RPL27A: variants seen among roughly 807,000 people sequenced by gnomAD.
The protein encoded by RPL27A is large ribosomal subunit protein uL15.
For missense variants in RPL27A, 118 were observed against 189.4 expected (o/e 0.62, Z 2.21); for synonymous variants, 69 against 68.3 (o/e 1.01, Z -0.05).
At position 8,688,609 on chromosome 11, in the gene RPL27A, C is replaced by T. The variant is rs2039608362; in HGVS notation, c.*2803C>T. The T allele has an allele frequency of 6.6e-6, 1 of 152,206 alleles. No homozygotes were observed. The highest frequency in any genetic ancestry group is 1.5e-5 in the Non-Finnish European group (1 of 68,050). 9.4% of individuals were successfully genotyped at this position (152,206 alleles called of 1,614,324 possible). A position where few individuals can be genotyped will look rare whatever the true frequency, so the allele number is the denominator to read the frequency against. The stretch of plus-strand genomic sequence containing the variant: ...GGCTAAAGCTTGAATTGCAAAAGAT[C>T]TAATTTCTGGTCTAATGTATATATG... On this transcript the variant is annotated 3_prime_UTR_variant, in exon 5 of 5. Transcript: ENST00000314138.
In RPL27A at chr11:8,684,908, G is replaced by GT; in HGVS notation, c.318+21dup. The GT allele has an allele frequency of 6.2e-7, 1 of 1,613,604 alleles. No homozygotes were observed. The highest frequency in any genetic ancestry group is 8.5e-7 in the Non-Finnish European group (1 of 1,179,528). On this transcript the variant is annotated intron_variant, in intron 4 of 4. Transcript: ENST00000314138. ...GGTGCGATCGGTAAGTTAATTGGAT[G>GT]TTTTTCTGTACTTCCATACCTTCCC... is the stretch of plus-strand genomic sequence containing the variant.
chr11:8,684,640 G>A, intron 3 of RPL27A, 78 bp from the exon 4 acceptor site: 5 of 1,231,868 alleles, frequency 4.1e-6, no homozygotes, highest in Non-Finnish European at 5.9e-6. Context: ...CACTCTAATA[G>A]GGGGTGGTAA....
intron 4 of RPL27A, chr11:8,685,368 TG>T (rs2039576326): frequency 3.5e-6 from 2 of 578,692 alleles, no homozygotes; most frequent in Admixed American, 3.8e-5. Flanking sequence ...TGAGTAGTTC[TG>T]GTGGTCAGGA....
chr11:8,684,853 C>G lies in RPL27A; in HGVS notation c.279C>G (p.Asn93Lys), dbSNP rs1450014448. ...SEQTRVNAAK[N>K]KTGAAPIIDV... Reference sequence around the variant, plus strand: ...AGACACGGGTGAATGCTGCTAAAAACAAGACTGGGGCTGCTCCCATCATTG... The same window carrying G: ...AGACACGGGTGAATGCTGCTAAAAAGAAGACTGGGGCTGCTCCCATCATTG... The change falls in exon 4 of 5, where the codon AAC becomes AAG. Residue 93 changes from asparagine (N) to lysine (K), a missense_variant. Coordinates refer to ENST00000314138, the MANE Select transcript of RPL27A (RefSeq NM_000990.5). 3 of 1,614,120 alleles carry G rather than the reference C, an allele frequency of 1.9e-6. No individual in the cohort carries two copies. The highest frequency in any genetic ancestry group is 3.3e-5 in the Admixed American group (2 of 60,024).
rs760354952 is a variant in RPL27A at position 8,687,389 on chromosome 11, T to TCCCC, written c.*1585_*1586insCCCC. 3,199 of 96,536 alleles carry TCCCC rather than the reference T, an allele frequency of 0.033. 150 individuals carry two copies. Among genetic ancestry groups the TCCCC allele is most frequent in the Non-Finnish European group, 0.043 (1,879 of 43,684 alleles). The allele number at this position is 96,536 out of a possible 1,614,324, so 6.0% of individuals were successfully genotyped here. A position where few individuals can be genotyped will look rare whatever the true frequency, so the allele number is the denominator to read the frequency against. On this transcript the variant is annotated 3_prime_UTR_variant, in exon 5 of 5. Coordinates refer to ENST00000314138, the MANE Select transcript of RPL27A (RefSeq NM_000990.5). ...CTTGGGCAACAAGAGTGAAACTCTG[T>TCCCC]CCACCCCCCCCAAAAAAAGTAAGGG... is the stretch of plus-strand genomic sequence containing the variant.
chr11:8,685,970 G>A lies in RPL27A; in HGVS notation c.*164G>A. On this transcript the variant is annotated 3_prime_UTR_variant, in exon 5 of 5. Coordinates refer to ENST00000314138, the MANE Select transcript of RPL27A (RefSeq NM_000990.5). ...CTCTCCTGACTTCCCTCAAATATAT[G>A]GTAAACGTAAGACCAACACAGACGT... 1 of 627,458 alleles carries A rather than the reference G, an allele frequency of 1.6e-6. No homozygotes were observed. The highest frequency in any genetic ancestry group is 2.9e-4 in the Middle Eastern group (1 of 3,480). 38.9% of individuals were successfully genotyped at this position (627,458 alleles called of 1,614,324 possible).
intron 1 of RPL27A, 61 bp from the exon 2 acceptor site, chr11:8,683,140 TG>T: frequency 6.6e-7 from 1 of 1,522,380 alleles, no homozygotes; most frequent in Non-Finnish European, 9.1e-7. Context: ...CCATCTCGGC[TG>T]GCGGGCATCG....
Position 8,684,087 on chromosome 11 carries a change from T to G in RPL27A, c.143+6T>G. The G allele has an allele frequency of 2.5e-6, 4 of 1,612,170 alleles. No homozygotes were observed. ...CGGATCAACTTCGACAAATAGTAAG[T>G]GTCCTTGGACTGCTTTTATTGACAC... On this transcript the variant is annotated splice_donor_region_variant and intron_variant, in intron 3 of 4. Transcript: ENST00000314138.
chr11:8,685,964 A>G lies in RPL27A; in HGVS notation c.*158A>G. Reference sequence around the variant, plus strand: ...GGGGTCCTCTCCTGACTTCCCTCAAATATATGGTAAACGTAAGACCAACAC... The same window carrying G: ...GGGGTCCTCTCCTGACTTCCCTCAAGTATATGGTAAACGTAAGACCAACAC... On this transcript the variant is annotated 3_prime_UTR_variant, in exon 5 of 5. Transcript: ENST00000314138. 2 of 641,714 alleles carry G rather than the reference A, an allele frequency of 3.1e-6. No individual in the cohort carries two copies. The highest frequency in any genetic ancestry group is 2.0e-5 in the South Asian group (1 of 50,572). The allele number at this position is 641,714 out of a possible 1,614,324, so 39.8% of individuals were successfully genotyped here. A position where few individuals can be genotyped will look rare whatever the true frequency, so the allele number is the denominator to read the frequency against.
At chr11:8,684,961 A>T (rs1435855490) in intron 4 of RPL27A, 69 bp downstream of exon 4, 1 of 1,446,872 alleles carries the variant, frequency 6.9e-7, no homozygotes, top group African/African-American at 1.4e-5. Context: ...AATCTAATCC[A>T]CTTATATAAT....
intron 1 of RPL27A, 149 bp downstream of exon 1, chr11:8,682,965 CG>C: frequency 9.1e-7 from 1 of 1,099,764 alleles, no homozygotes; most frequent in Non-Finnish European, 1.3e-6. Flanking sequence ...GGCGCGGGCC[CG>C]GGGCGGGGCT....
At position 8,687,519 on chromosome 11, in the gene RPL27A, G is replaced by A. The variant is rs1474053860; in HGVS notation, c.*1713G>A. The stretch of plus-strand genomic sequence containing the variant: ...GATGAATTAAAAGACTCAATATTTG[G>A]TCTTCACCCAATACCTGTGTGACTT... On this transcript the variant is annotated 3_prime_UTR_variant, in exon 5 of 5. Transcript: ENST00000314138. 1 of 152,150 alleles carries A rather than the reference G, an allele frequency of 6.6e-6. No individual in the cohort carries two copies. The highest frequency in any genetic ancestry group is 1.5e-5 in the Non-Finnish European group (1 of 68,046). 9.4% of individuals were successfully genotyped at this position (152,150 alleles called of 1,614,324 possible). A position where few individuals can be genotyped will look rare whatever the true frequency, so the allele number is the denominator to read the frequency against.
rs1230502187 is a variant in RPL27A, at chr11:8,686,649, G to T, written c.*843G>T. Reference sequence around the variant, plus strand: ...TGCCAGGGCTTTTCTGTATGTCAAAGTGGGTTTGAAATAGTTAATTTTTCT... The same window carrying T: ...TGCCAGGGCTTTTCTGTATGTCAAATTGGGTTTGAAATAGTTAATTTTTCT... On this transcript the variant is annotated 3_prime_UTR_variant, in exon 5 of 5. Transcript: ENST00000314138. 6.6e-6 allele frequency: 1 copy of T among 152,212 alleles called. No individual in the cohort carries two copies. Among genetic ancestry groups the T allele is most frequent in the Non-Finnish European group, 1.5e-5 (1 of 68,036 alleles). 9.4% of individuals were successfully genotyped at this position (152,212 alleles called of 1,614,324 possible).
Position 8,689,094 on chromosome 11 carries a change from G to T in RPL27A, c.*3288G>T, listed in dbSNP as rs932322672. On this transcript the variant is annotated 3_prime_UTR_variant, in exon 5 of 5. Coordinates refer to ENST00000314138, the MANE Select transcript of RPL27A (RefSeq NM_000990.5). ...CCGGCAAGGGCGGAGCCGGCCAGTG[G>T]TGCGCGAGCGCAGATAACTCCCCTG... 5.9e-5 allele frequency: 9 copies of T among 152,286 alleles called. No homozygotes were observed. The highest frequency in any genetic ancestry group is 1.4e-4 in the African/African-American group (6 of 41,466). 9.4% of individuals were successfully genotyped at this position (152,286 alleles called of 1,614,324 possible). A position where few individuals can be genotyped will look rare whatever the true frequency, so the allele number is the denominator to read the frequency against.
chr11:8,685,544 C>G (rs781175173), intron 4 of RPL27A, 134 bp from the exon 5 acceptor site: 25 of 978,948 alleles, frequency 2.6e-5, no homozygotes, highest in Non-Finnish European at 3.8e-5. Context: ...TCGGTGCCCC[C>G]GTTAGTGCCC....
intron 3 of RPL27A, 122 bp downstream of exon 3, chr11:8,684,203 C>T (rs1333410583): frequency 2.3e-6 from 2 of 853,006 alleles, no homozygotes; most frequent in East Asian, 2.4e-5. Context: ...CAAGTTAACA[C>T]TTGGTGTGAA....
intron 3 of RPL27A, chr11:8,684,423 G>A: frequency 1.4e-6 from 1 of 714,938 alleles, no homozygotes; most frequent in Admixed American, 1.7e-5. Context: ...GTTTATTATA[G>A]GAGTATGTAG....
At position 8,689,291 on chromosome 11, in the gene RPL27A, A is replaced by G. The variant is rs1277063337; in HGVS notation, c.*3485A>G. The G allele has an allele frequency of 1.3e-5, 2 of 152,232 alleles. No homozygotes were observed. Among genetic ancestry groups the G allele is most frequent in the African/African-American group, 2.4e-5 (1 of 41,462 alleles). 9.4% of individuals were successfully genotyped at this position (152,232 alleles called of 1,614,324 possible). On this transcript the variant is annotated 3_prime_UTR_variant, in exon 5 of 5. Transcript: ENST00000314138. ...GATGGGAACCTCCAGAATTTGTCTC[A>G]ATTGTCTAAAAGGTAATGAGCGTCA...
Position 8,683,282 on chromosome 11 carries a change from C to G in RPL27A, c.67+17C>G, listed in dbSNP as rs759877664. ...GCCGCATAGGTAAGTGCCGGCTTCC[C>G]CTCGGGGTGGGCCTTGGGCTCTCTT... On this transcript the variant is annotated intron_variant, in intron 2 of 4. Transcript: ENST00000314138. 1.2e-6 allele frequency: 2 copies of G among 1,613,082 alleles called. No homozygotes were observed. The highest frequency in any genetic ancestry group is 1.7e-6 in the Non-Finnish European group (2 of 1,178,984).
Sources: allele counts gnomAD v4.1 joint callset, GRCh38; gene constraint gnomAD v4.1.1; transcripts MANE v1.5; gene names NCBI Gene and HGNC (gene_info 2026-07-23, HGNC 2026-07-21).